FCER1A: variants seen among roughly 807,000 people sequenced by gnomAD.
FCER1A encodes the protein high affinity immunoglobulin epsilon receptor subunit alpha.
In FCER1A, 24 loss-of-function variants were observed where a neutral mutation model predicts 23.6. The observed-to-expected ratio is 1.02, with a 90% CI of 0.74 to 1.43. The LOEUF (loss-of-function observed/expected upper bound fraction) is 1.43, where lower values mean the gene tolerates loss of function less well. Ranked by LOEUF, FCER1A falls within the 40% of genes most tolerant of loss-of-function variation. The pLI, the probability that FCER1A is intolerant of heterozygous loss-of-function variation, is 0.00. For missense variants in FCER1A, 318 were observed against 294.5 expected (o/e 1.08, Z -0.58); for synonymous variants, 121 against 108.8 (o/e 1.11, Z -0.70).
chr1:159,289,169 C>CT (rs1474759118), upstream of FCER1A, among the ~76,000 whole-genome samples: 1 of 152,176 alleles, frequency 6.6e-6, no homozygotes, highest in Non-Finnish European at 1.5e-5. Context: ...TCACGACCTC[C>CT]TGCTGCTCTT....
At chr1:159,284,936 A>G (rs1205592692), upstream of FCER1A, among the ~76,000 whole-genome samples, 3 of 152,210 alleles carry the variant, frequency 2.0e-5, no homozygotes, top group Non-Finnish European at 4.4e-5. Flanking sequence ...CTTTATAATA[A>G]TATGGTTTGT....
upstream of FCER1A, among the ~76,000 whole-genome samples, chr1:159,286,655 G>A (rs982906002): frequency 2.6e-5 from 4 of 152,178 alleles, no homozygotes; most frequent in African/African-American, 9.7e-5. Flanking sequence ...ATTAGGAGTT[G>A]CAAAACGGTG....
upstream of FCER1A, chr1:159,289,625 T>C (rs1016493981): frequency 3.9e-5 from 6 of 152,222 alleles, no homozygotes; most frequent in Admixed American, 3.9e-4. Context: ...AACAGTCTCA[T>C]TGGAGTTATT....
In FCER1A at chr1:159,307,731, T is replaced by C. The variant is rs757267193; in HGVS notation, c.590-17T>C. ...AAGATGAATTATGTTTCTCATTGCA[T>C]CTGTGTTCCACTACAGCTCCGCGTG... On this transcript the variant is annotated splice_polypyrimidine_tract_variant and intron_variant, in intron 4 of 4. Transcript: ENST00000693622. 20 of 1,558,626 alleles carry C rather than the reference T, an allele frequency of 1.3e-5. No individual in the cohort carries two copies. The highest frequency in any genetic ancestry group is 1.8e-5 in the Non-Finnish European group (20 of 1,137,880).
At chr1:159,305,296 CT>C (rs1046810522) in intron 3 of FCER1A, among the ~76,000 whole-genome samples, 2 of 152,124 alleles carry the variant, frequency 1.3e-5, no homozygotes, top group Admixed American at 1.3e-4. Flanking sequence ...TTAATGAATG[CT>C]TTTTAATTTT....
upstream of FCER1A, among the ~76,000 whole-genome samples, chr1:159,298,905 A>G (rs999642679): frequency 2.6e-5 from 4 of 152,198 alleles, no homozygotes; most frequent in African/African-American, 7.2e-5. Flanking sequence ...AGGACTATGA[A>G]TCCATGTGCA....
At chr1:159,299,377 G>A (rs1652372178), upstream of FCER1A, among the ~76,000 whole-genome samples, 1 of 152,138 alleles carries the variant, frequency 6.6e-6, no homozygotes, top group Non-Finnish European at 1.5e-5. Context: ...CTAACACACT[G>A]TATAGGCTGA....
At chr1:159,296,712 A>T (rs910738849) in intron 1 of FCER1A, among the ~76,000 whole-genome samples, 1 of 152,220 alleles carries the variant, frequency 6.6e-6, no homozygotes, top group Non-Finnish European at 1.5e-5. Context: ...ATTGCAGGGC[A>T]TTTGTTTGCC....
At chr1:159,290,956 A>G (rs961017179) in intron 1 of FCER1A, among the ~76,000 whole-genome samples, 2 of 152,190 alleles carry the variant, frequency 1.3e-5, no homozygotes, top group African/African-American at 4.8e-5. Flanking sequence ...AATACATTGC[A>G]GTTTCTCTGA....
chr1:159,288,016 G>C (rs181034031), upstream of FCER1A, among the ~76,000 whole-genome samples: 84 of 152,130 alleles, frequency 5.5e-4, 1 homozygote, highest in East Asian at 0.016. Flanking sequence ...TAAGGAGCTA[G>C]ACCAGGAAAG....
upstream of FCER1A, chr1:159,302,241 G>C (rs1652449256): frequency 1.4e-6 from 1 of 736,842 alleles, no homozygotes; most frequent in African/African-American, 1.7e-5. Flanking sequence ...AGCAAAACCA[G>C]GCACAGCTGA....
At position 159,307,816 on chromosome 1, in the gene FCER1A, A is replaced by C. The variant is rs1652660958; in HGVS notation, c.658A>C (p.Thr220Pro). Reference protein sequence around the residue: ...LLVVILFAVDTGLFISTQQQV... With the variant: ...LLVVILFAVDPGLFISTQQQV... Reference sequence around the variant, plus strand: ...GGTGGTGATTCTGTTTGCTGTGGACACAGGATTATTTATCTCAACTCAGCA... The same window carrying C: ...GGTGGTGATTCTGTTTGCTGTGGACCCAGGATTATTTATCTCAACTCAGCA... The change falls in exon 5 of 5, where the codon ACA becomes CCA. Residue 220 changes from threonine to proline, a missense_variant. By Grantham distance (38) the Thr-to-Pro change is conservative. Transcript: ENST00000693622. The C allele has an allele frequency of 1.2e-6, 2 of 1,613,330 alleles. No individual in the cohort carries two copies. The highest frequency in any genetic ancestry group is 1.7e-6 in the Non-Finnish European group (2 of 1,179,344).
At chr1:159,299,634 C>G (rs1652377887), upstream of FCER1A, among the ~76,000 whole-genome samples, 1 of 152,176 alleles carries the variant, frequency 6.6e-6, no homozygotes, top group South Asian at 2.1e-4. Flanking sequence ...TACCCAGAAT[C>G]AGAAGCAAGA....
At chr1:159,294,034 A>T (rs968713563) in intron 1 of FCER1A, among the ~76,000 whole-genome samples, 2 of 152,122 alleles carry the variant, frequency 1.3e-5, no homozygotes, top group Admixed American at 6.6e-5. Flanking sequence ...ATCTCACACC[A>T]GTTAGAATGG....
At chr1:159,297,425 C>A (rs1652320504), upstream of FCER1A, among the ~76,000 whole-genome samples, 1 of 152,198 alleles carries the variant, frequency 6.6e-6, no homozygotes, top group Non-Finnish European at 1.5e-5. Context: ...CTCTCTGCTG[C>A]TCTCAAGTCT....
chr1:159,297,234 T>C (rs573661570), intron 1 of FCER1A, among the ~76,000 whole-genome samples: 1 of 152,232 alleles, frequency 6.6e-6, no homozygotes, highest in South Asian at 2.1e-4. Context: ...TCTGCAGACA[T>C]GCGTGTGTTG....
intron 1 of FCER1A, among the ~76,000 whole-genome samples, chr1:159,293,215 T>C (rs1454314155): frequency 6.6e-6 from 1 of 150,998 alleles, no homozygotes; most frequent in East Asian, 2.0e-4. Context: ...TGCATTCTTT[T>C]GCTTCACACA....
upstream of FCER1A, among the ~76,000 whole-genome samples, chr1:159,287,076 T>C (rs1359534379): frequency 6.6e-6 from 1 of 152,176 alleles, no homozygotes; most frequent in African/African-American, 2.4e-5. Context: ...TTCATTTCCC[T>C]CCATGCTGGC....
upstream of FCER1A, among the ~76,000 whole-genome samples, chr1:159,285,588 T>C (rs1435106506): frequency 4.6e-5 from 7 of 151,654 alleles, no homozygotes; most frequent in Admixed American, 2.0e-4. Context: ...ATATATAAAT[T>C]ATAAATTTGA....
Sources: allele counts gnomAD v4.1 joint callset (sites outside exome capture counted in the v4.1 genomes callset), GRCh38; gene constraint gnomAD v4.1.1; transcripts MANE v1.5; gene names NCBI Gene and HGNC (gene_info 2026-07-23, HGNC 2026-07-21).